Variants in CDX1 observed in about 807,000 individuals in gnomAD.
CDX1 encodes the protein caudal type homeobox 1.
CDX1 carries 9 observed loss-of-function variants against 16.9 expected under a neutral mutation model. The observed-to-expected ratio is 0.53, with a 90% CI of 0.32 to 0.93. The LOEUF (loss-of-function observed/expected upper bound fraction) is 0.93. Ranked by LOEUF, CDX1 falls within the 40% of genes least tolerant of loss-of-function variation. CDX1 has a pLI of 0.04. For synonymous variants in CDX1, 179 were observed against 179.0 expected (o/e 1.00, Z 0.00); for missense variants, 393 against 386.1 (o/e 1.02, Z -0.15).
At chr5:150,183,415 C>T (rs1486797802) in intron 2 of CDX1, 59 bp from the exon 3 acceptor site, 2 of 1,435,670 alleles carry the variant, frequency 1.4e-6, no homozygotes, top group Admixed American at 2.3e-5. Flanking sequence ...CTCCTTCTTG[C>T]ACTCTCTCTT....
At chr5:150,181,572 C>G (rs1752421374) in intron 1 of CDX1, among the ~76,000 whole-genome samples, 1 of 152,162 alleles carries the variant, frequency 6.6e-6, no homozygotes, top group Admixed American at 6.5e-5. Context: ...AGCCACCGCG[C>G]CTGGCCCTAC....
At chr5:150,183,328 T>C (rs1157791994) in intron 2 of CDX1, 146 bp from the exon 3 acceptor site, 3 of 660,548 alleles carry the variant, frequency 4.5e-6, no homozygotes, top group South Asian at 5.0e-5. Flanking sequence ...GAATTCAGGG[T>C]CCATGTGGTC....
At chr5:150,181,740 T>C (rs2113954645) in intron 1 of CDX1, among the ~76,000 whole-genome samples, 1 of 152,190 alleles carries the variant, frequency 6.6e-6, no homozygotes, top group Non-Finnish European at 1.5e-5. Context: ...TATCAACTAG[T>C]GTATCAAATA....
intron 1 of CDX1, among the ~76,000 whole-genome samples, chr5:150,174,122 C>G (rs1469521416): frequency 3.9e-5 from 6 of 152,224 alleles, no homozygotes; most frequent in Admixed American, 3.9e-4. Context: ...CAAGGTCACA[C>G]AGCCAGCTAG....
At chr5:150,169,252 C>G (rs1374742951) in intron 1 of CDX1, among the ~76,000 whole-genome samples, 1 of 152,076 alleles carries the variant, frequency 6.6e-6, no homozygotes, top group Non-Finnish European at 1.5e-5. Context: ...CCTCGTGTCT[C>G]TGGGCACGAG....
intron 1 of CDX1, among the ~76,000 whole-genome samples, chr5:150,169,678 A>G (rs961405842): frequency 6.6e-6 from 1 of 152,150 alleles, no homozygotes; most frequent in African/African-American, 2.4e-5. Flanking sequence ...TTCCTGTGCA[A>G]TGCTGCTGTC....
chr5:150,170,059 G>A (rs568922294), intron 1 of CDX1, among the ~76,000 whole-genome samples: 3 of 152,134 alleles, frequency 2.0e-5, no homozygotes, highest in African/African-American at 7.2e-5. Flanking sequence ...CTCATCCCCG[G>A]CTGCTCTCAC....
chr5:150,172,595 C>T (rs1461697335), intron 1 of CDX1, among the ~76,000 whole-genome samples: 1 of 152,178 alleles, frequency 6.6e-6, no homozygotes, highest in African/African-American at 2.4e-5. Flanking sequence ...ACCCCCCCTT[C>T]CCCATGGGCA....
rs1580842515 is a variant in CDX1, at chr5:150,182,919, T to C, written c.591+6T>C. ...TGGGGCTCACTGAACGGCAGGTGTG[T>C]CTGTCTTCCTATCTCAGCCATAGGA... On this transcript the variant is annotated splice_donor_region_variant and intron_variant, in intron 2 of 2. Coordinates refer to ENST00000231656, the MANE Select transcript of CDX1 (RefSeq NM_001804.3). 6.2e-7 allele frequency: 1 copy of C among 1,601,656 alleles called. No individual in the cohort carries two copies. Among genetic ancestry groups the C allele is most frequent in the African/African-American group, 1.3e-5 (1 of 74,602 alleles).
Position 150,166,996 on chromosome 5 carries a change from G to A in CDX1, c.120G>A (p.Pro40=), listed in dbSNP as rs1422794412. 6 of 1,382,618 alleles carry A rather than the reference G, an allele frequency of 4.3e-6. No individual in the cohort carries two copies. In the Admixed American group the frequency reaches 8.8e-5, roughly 20 times the overall value. 85.6% of individuals were successfully genotyped at this position (1,382,618 alleles called of 1,614,324 possible). ...YGPPAPPPAP[P]QYPDFSSYSH... ...CCCCGGCCCCGCCCCCGGCGCCCCC[G>A]CAGTACCCCGACTTCTCCAGCTACT... is the stretch of plus-strand genomic sequence containing the variant. Residue 40 remains proline (P), a synonymous_variant, in exon 1 of 3, where the codon CCG becomes CCA. Coordinates refer to ENST00000231656, the MANE Select transcript of CDX1 (RefSeq NM_001804.3).
intron 1 of CDX1, among the ~76,000 whole-genome samples, chr5:150,176,446 T>A (rs888621818): frequency 6.6e-6 from 1 of 152,188 alleles, no homozygotes; most frequent in Non-Finnish European, 1.5e-5. Context: ...TAGGCTGGCA[T>A]CACAGACACG....
At chr5:150,180,248 A>G (rs1761625331) in intron 1 of CDX1, among the ~76,000 whole-genome samples, 1 of 152,222 alleles carries the variant, frequency 6.6e-6, no homozygotes, top group South Asian at 2.1e-4. Context: ...GGAGGGGCCC[A>G]ATCTGGAGCC....
Position 150,167,240 on chromosome 5 carries a change from C to T in CDX1, c.364C>T (p.Pro122Ser), listed in dbSNP as rs1181871283. The part of the protein sequence containing the change: ...LAQPLGGPGT[P>S]SSPGAQRPTP... ...GCAGCCCCTCGGGGGCCCGGGCACA[C>T]CGTCCTCGCCCGGAGCGCAGAGGCC... is the stretch of plus-strand genomic sequence containing the variant. Residue 122 changes from proline (P) to serine (S), a missense_variant, in exon 1 of 3, where the codon CCG becomes TCG. Pro to Ser is a moderately conservative substitution (Grantham distance 74). Coordinates refer to ENST00000231656, the MANE Select transcript of CDX1 (RefSeq NM_001804.3). 1 of 1,260,888 alleles carries T rather than the reference C, an allele frequency of 7.9e-7. No homozygotes were observed. The highest frequency in any genetic ancestry group is 9.9e-7 in the Non-Finnish European group (1 of 1,008,378). The allele number at this position is 1,260,888 out of a possible 1,614,324, so 78.1% of individuals were successfully genotyped here.
chr5:150,175,307 G>A (rs562754989), intron 1 of CDX1, among the ~76,000 whole-genome samples: 10 of 152,316 alleles, frequency 6.6e-5, no homozygotes, highest in South Asian at 2.1e-4. Context: ...GAGAGCCACC[G>A]GTCTCTGTCT....
chr5:150,171,686 A>AG (rs1761509631), intron 1 of CDX1, among the ~76,000 whole-genome samples: 1 of 152,224 alleles, frequency 6.6e-6, no homozygotes, highest in South Asian at 2.1e-4. Context: ...TATGGCAATC[A>AG]GAGCCTTCTT....
chr5:150,173,743 G>T (rs1761535326), intron 1 of CDX1, among the ~76,000 whole-genome samples: 1 of 152,182 alleles, frequency 6.6e-6, no homozygotes, highest in South Asian at 2.1e-4. Context: ...CAAGATTTCT[G>T]TCCCCGGAAC....
chr5:150,178,340 G>T (rs1189157658), intron 1 of CDX1, among the ~76,000 whole-genome samples: 1 of 152,210 alleles, frequency 6.6e-6, no homozygotes, highest in African/African-American at 2.4e-5. Flanking sequence ...AGCTGAGGGG[G>T]CTCCCCATTC....
rs1405394680 is a variant in CDX1 at position 150,167,005 on chromosome 5, C to T, written c.129C>T (p.Pro43=). 2 of 1,445,740 alleles carry T rather than the reference C, an allele frequency of 1.4e-6. No homozygotes were observed. The highest frequency in any genetic ancestry group is 1.5e-5 in the African/African-American group (1 of 67,164). The allele number at this position is 1,445,740 out of a possible 1,614,324, so 89.6% of individuals were successfully genotyped here. Residue 43 remains proline, a synonymous_variant, in exon 1 of 3, where the codon CCC becomes CCT. Coordinates refer to ENST00000231656, the MANE Select transcript of CDX1 (RefSeq NM_001804.3). The part of the protein sequence containing the change: ...PAPPPAPPQY[P]DFSSYSHVEP... ...CGCCCCCGGCGCCCCCGCAGTACCCCGACTTCTCCAGCTACTCTCACGTGG... is the reference window on the plus strand; with the variant it reads ...CGCCCCCGGCGCCCCCGCAGTACCCTGACTTCTCCAGCTACTCTCACGTGG...
At chr5:150,180,862 C>T (rs1334106626) in intron 1 of CDX1, among the ~76,000 whole-genome samples, 1 of 152,198 alleles carries the variant, frequency 6.6e-6, no homozygotes, top group East Asian at 1.9e-4. Context: ...ACATTAACCT[C>T]AGCTGGTCCT....
Sources: gnomAD v4.1 joint callset for allele counts (sites outside exome capture counted in the v4.1 genomes callset) on GRCh38, gnomAD v4.1.1 for gene constraint, MANE v1.5 for transcripts, NCBI Gene and HGNC (gene_info 2026-07-23, HGNC 2026-07-21) for gene names.